The following PKD1L1 variants were observed in gnomAD, a reference collection of about 807,000 sequenced individuals.
PKD1L1 encodes polycystin-1-like protein 1.
A neutral mutation model predicts 323.4 loss-of-function variants in PKD1L1; 236 were observed. The ratio of observed to expected loss-of-function variants is 0.73; its 90% CI spans 0.66 to 0.81. PKD1L1 has a LOEUF of 0.81. PKD1L1 is among the 40% of genes least tolerant of loss of function. PKD1L1 has a pLI of 0.00. For synonymous variants in PKD1L1, 1,344 were observed against 1,335.0 expected (o/e 1.01, Z -0.15); for missense variants, 3,320 against 3,508.0 (o/e 0.95, Z 1.35).
chr7:47,846,329 G>A (rs1277762138), intron 32 of PKD1L1, among the ~76,000 whole-genome samples: 1 of 152,194 alleles, frequency 6.6e-6, no homozygotes, highest in Non-Finnish European at 1.5e-5. Context: ...TTAGTGACAT[G>A]ACTCATATGC....
At chr7:47,792,485 G>A in intron 56 of PKD1L1, 142 bp downstream of exon 56, 1 of 815,512 alleles carries the variant, frequency 1.2e-6, no homozygotes, top group South Asian at 2.1e-5. Context: ...TCTGGCCAGA[G>A]CATATCTTAT....
In PKD1L1 at chr7:47,834,376, G is replaced by C. The variant is rs1330712833; in HGVS notation, c.6137C>G (p.Ser2046Cys). ...AQTEAPHGPNSWGRIPDAQEP... is the reference protein window; with the variant it reads ...AQTEAPHGPNCWGRIPDAQEP... ...CTGTGCGTCTGGTATCCTTCCCCAG[G>C]AATTAGGACCTGATTCAAAAAAATA... is the stretch of plus-strand genomic sequence containing the variant. The change falls in exon 40 of 57, where the codon TCC becomes TGC. Residue 2046 changes from serine to cysteine, a missense_variant. Coordinates refer to ENST00000289672, the MANE Select transcript of PKD1L1 (RefSeq NM_138295.5). The C allele has an allele frequency of 3.1e-6, 5 of 1,613,836 alleles. No individual in the cohort carries two copies. The highest frequency in any genetic ancestry group is 4.2e-6 in the Non-Finnish European group (5 of 1,179,760).
intron 22 of PKD1L1, 151 bp from the exon 23 acceptor site, chr7:47,876,368 G>C: frequency 1.2e-6 from 1 of 862,334 alleles, no homozygotes; most frequent in Non-Finnish European, 1.7e-6. Context: ...AGCACTCCCA[G>C]CTGCCCAGAG....
At chr7:47,780,953 T>C (rs1418943072) in intron 56 of PKD1L1, among the ~76,000 whole-genome samples, 1 of 152,248 alleles carries the variant, frequency 6.6e-6, no homozygotes, top group African/African-American at 2.4e-5. Context: ...TAAGTTTTCA[T>C]GTTTCATTTT....
intron 9 of PKD1L1, among the ~76,000 whole-genome samples, chr7:47,906,474 A>G (rs1176452001): frequency 1.3e-5 from 2 of 152,162 alleles, no homozygotes; most frequent in Non-Finnish European, 2.9e-5. Context: ...CATATGCACT[A>G]TACACATATG....
chr7:47,818,004 C>G (rs966465686), intron 46 of PKD1L1: 1 of 1,351,172 alleles, frequency 7.4e-7, no homozygotes, highest in African/African-American at 1.5e-5. Context: ...GTTTATACAT[C>G]TTTAGAACTT....
intron 44 of PKD1L1, 25 bp from the exon 45 acceptor site, chr7:47,827,493 G>C: frequency 6.3e-7 from 1 of 1,582,690 alleles, no homozygotes; most frequent in Non-Finnish European, 8.6e-7. Context: ...AGTGCTGTGA[G>C]CTGCGGGCTG....
chr7:47,879,016 A>G (rs929486060), intron 21 of PKD1L1, among the ~76,000 whole-genome samples: 8 of 152,234 alleles, frequency 5.3e-5, no homozygotes, highest in African/African-American at 1.7e-4. Flanking sequence ...GAGGCAAAAG[A>G]AAGAGGTACA....
intron 7 of PKD1L1, among the ~76,000 whole-genome samples, chr7:47,927,761 A>G (rs1787683041): frequency 6.6e-6 from 1 of 152,256 alleles, no homozygotes; most frequent in Admixed American, 6.5e-5. Context: ...AGGAATGTAA[A>G]TAGGACAAGA....
chr7:47,800,601 G>T, intron 54 of PKD1L1, 48 bp downstream of exon 54: 1 of 1,583,436 alleles, frequency 6.3e-7, no homozygotes, highest in Non-Finnish European at 8.7e-7. Context: ...AACAGCAAAT[G>T]AAACTTTTAC....
At chr7:47,943,367 T>C in intron 2 of PKD1L1, 29 bp downstream of exon 2, 1 of 1,525,774 alleles carries the variant, frequency 6.6e-7, no homozygotes. Flanking sequence ...CTTATCATGG[T>C]GGCCATGCCT....
intron 47 of PKD1L1, among the ~76,000 whole-genome samples, chr7:47,814,271 C>A (rs1367322013): frequency 6.6e-6 from 1 of 152,214 alleles, no homozygotes; most frequent in Non-Finnish European, 1.5e-5. Context: ...AGAATGCTCT[C>A]TTTTATCTTT....
chr7:47,818,577 C>A (rs924286057), intron 46 of PKD1L1, among the ~76,000 whole-genome samples: 25 of 152,178 alleles, frequency 1.6e-4, no homozygotes, highest in African/African-American at 5.6e-4. Flanking sequence ...GGCCCAATGG[C>A]CAGACTGCAG....
At chr7:47,810,921 T>A (rs1004923917) in intron 50 of PKD1L1, among the ~76,000 whole-genome samples, 1 of 152,134 alleles carries the variant, frequency 6.6e-6, no homozygotes, top group Non-Finnish European at 1.5e-5. Flanking sequence ...AAGGAAGTAA[T>A]CAAGGTTAAC....
At chr7:47,944,952 T>C (rs191171157) in intron 1 of PKD1L1, among the ~76,000 whole-genome samples, 8 of 152,240 alleles carry the variant, frequency 5.3e-5, no homozygotes, top group African/African-American at 1.9e-4. Flanking sequence ...TTCTCCTCCA[T>C]GCCCATTCCC....
At chr7:47,905,076 C>G (rs951350204) in intron 11 of PKD1L1, 81 bp downstream of exon 11, 6 of 1,474,936 alleles carry the variant, frequency 4.1e-6, no homozygotes, top group Admixed American at 4.3e-5. Flanking sequence ...AAAATGCCTT[C>G]GGTAGCAGCA....
chr7:47,922,515 G>A (rs1173132701), intron 7 of PKD1L1, among the ~76,000 whole-genome samples: 2 of 151,202 alleles, frequency 1.3e-5, no homozygotes, highest in East Asian at 2.0e-4. Flanking sequence ...GAGCACCTCT[G>A]CCCCGCCGCC....
At chr7:47,812,339 C>T (rs1784919212) in intron 49 of PKD1L1, among the ~76,000 whole-genome samples, 1 of 152,122 alleles carries the variant, frequency 6.6e-6, no homozygotes, top group Admixed American at 6.5e-5. Flanking sequence ...CCACCCCAAC[C>T]CATGTGAGGC....
In PKD1L1 at chr7:47,842,708, G is replaced by A. The variant is rs10429127; in HGVS notation, c.5445+254C>T. Among the ~76,000 whole-genome samples the A allele has an allele frequency of 0.14, 20,992 of 152,036 alleles. 1,665 individuals are homozygous for A. The highest frequency in any genetic ancestry group is 0.2 in the African/African-American group (8,317 of 41,436). ...ACTCAGAGACAGAACATATCTCCCC[G>A]GGCTGCTTTCCACAGTGGAGACAGA... On this transcript the variant is annotated intron_variant, in intron 34 of 56. Coordinates refer to ENST00000289672, the MANE Select transcript of PKD1L1 (RefSeq NM_138295.5).
Sources: gnomAD v4.1 joint callset for allele counts (sites outside exome capture counted in the v4.1 genomes callset) on GRCh38, gnomAD v4.1.1 for gene constraint, MANE v1.5 for transcripts, NCBI Gene and HGNC (gene_info 2026-07-23, HGNC 2026-07-21) for gene names.